Variants in NREP observed in about 807,000 individuals in gnomAD.
NREP encodes the protein neuronal regeneration related protein, also known as neuronal regeneration-related protein.
A neutral mutation model predicts 8.6 loss-of-function variants in NREP; 5 were observed. That is an observed-to-expected ratio of 0.58 (90% CI 0.30 to 1.22). The LOEUF (loss-of-function observed/expected upper bound fraction) is 1.22. NREP is among the 50% of genes most tolerant of loss of function. The pLI is 0.07. For synonymous variants in NREP, 27 were observed against 28.0 expected, an observed-to-expected ratio of 0.96 and a Z score of 0.11; for missense variants, 86 against 82.5, an observed-to-expected ratio of 1.04 and a Z score of -0.17.
At chr5:111,880,495 A>G (rs185741963) in intron 2 of NREP, among the ~76,000 whole-genome samples, 39 of 152,168 alleles carry the variant, frequency 2.6e-4, no homozygotes, top group African/African-American at 8.7e-4. Flanking sequence ...GTGTTCTTGC[A>G]TGGTCGTCCT....
rs555440299 is a variant in NREP at position 111,815,754 on chromosome 5, G to A, written c.136-80247C>T. On this transcript the variant is annotated intron_variant, in intron 2 of 3. Transcript: ENST00000395634. ...AACGGAAAATACATAACAAGCCACA[G>A]ATCCAAAAAACGCCATGTAAGATAC... is the stretch of plus-strand genomic sequence containing the variant. Among the ~76,000 whole-genome samples the A allele has an allele frequency of 3.9e-5, 6 of 152,118 alleles. No homozygotes were observed. In the East Asian group the frequency reaches 1.2e-3, roughly 29 times the overall value.
At chr5:111,790,233 A>G (rs1187635508) in intron 2 of NREP, among the ~76,000 whole-genome samples, 1 of 152,032 alleles carries the variant, frequency 6.6e-6, no homozygotes, top group Non-Finnish European at 1.5e-5. Context: ...GAAGTATAAA[A>G]TCCAGGACAT....
chr5:111,905,132 G>C (rs1046337883), intron 2 of NREP, among the ~76,000 whole-genome samples: 1 of 152,034 alleles, frequency 6.6e-6, no homozygotes, highest in African/African-American at 2.4e-5. Flanking sequence ...TATGCCTTTT[G>C]TCAGATGATT....
chr5:111,817,907 G>C (rs1486964016), intron 2 of NREP, among the ~76,000 whole-genome samples: 1 of 149,410 alleles, frequency 6.7e-6, no homozygotes, highest in Non-Finnish European at 1.5e-5. Context: ...TGTAAGAATT[G>C]ACCCTGAGTT....
chr5:111,840,490 C>T lies in NREP; in HGVS notation c.136-104983G>A, dbSNP rs1332009416. Among the ~76,000 whole-genome samples, 6 of 152,062 alleles carry T rather than the reference C, an allele frequency of 3.9e-5. No homozygotes were observed. The South Asian group carries it at 1.0e-3, about 26-fold the overall frequency. On this transcript the variant is annotated intron_variant, in intron 2 of 3. Coordinates refer to the NREP transcript ENST00000395634. Reference sequence around the variant, plus strand: ...GGACTTTGTTACAGGAGAGAATAAACAAACTCTCATTAGAGACTGTAGTTA... The same window carrying T: ...GGACTTTGTTACAGGAGAGAATAAATAAACTCTCATTAGAGACTGTAGTTA...
upstream of NREP, among the ~76,000 whole-genome samples, chr5:111,759,420 TC>T (rs374235892): frequency 7.7e-6 from 1 of 129,458 alleles, no homozygotes; most frequent in African/African-American, 2.9e-5. Flanking sequence ...TTTCTTTCTT[TC>T]TTTTTTTTTT....
At chr5:111,809,647 AC>A (rs1392333138) in intron 2 of NREP, among the ~76,000 whole-genome samples, 4 of 151,984 alleles carry the variant, frequency 2.6e-5, no homozygotes, top group Non-Finnish European at 5.9e-5. Flanking sequence ...GACCTTCTCC[AC>A]CGTGTTATGA....
upstream of NREP, chr5:111,757,278 AGGAAGAG>A (rs1273069080): frequency 5.4e-6 from 2 of 371,864 alleles, no homozygotes; most frequent in East Asian, 3.5e-4. Context: ...AAAGGGGTGG[AGGAAGAG>A]GAGGGAGGAG....
chr5:111,948,671 A>G (rs1756064361), intron 2 of NREP, among the ~76,000 whole-genome samples: 1 of 151,894 alleles, frequency 6.6e-6, no homozygotes, highest in African/African-American at 2.4e-5. Flanking sequence ...CAAATCCAAC[A>G]CTTCTCTCTC....
At chr5:111,745,579 C>A (rs1324463952) in intron 2 of NREP, among the ~76,000 whole-genome samples, 1 of 152,144 alleles carries the variant, frequency 6.6e-6, no homozygotes, top group Non-Finnish European at 1.5e-5. Context: ...AATGGACAAT[C>A]TAATTCAGTA....
chr5:111,738,097 ACCTAAAGGAGATATTT>A (rs1749311713), intron 2 of NREP, among the ~76,000 whole-genome samples: 1 of 152,208 alleles, frequency 6.6e-6, no homozygotes, highest in Admixed American at 6.5e-5. Flanking sequence ...TAGACATAGT[ACCTAAAGGAGATATTT>A]AAACTTTTCA....
At chr5:111,810,305 G>A (rs1181110988) in intron 2 of NREP, among the ~76,000 whole-genome samples, 1 of 152,120 alleles carries the variant, frequency 6.6e-6, no homozygotes, top group Non-Finnish European at 1.5e-5. Context: ...AGGAATTAAT[G>A]ACTCTCTGCT....
At chr5:111,891,262 A>G (rs997442959) in intron 2 of NREP, among the ~76,000 whole-genome samples, 2 of 152,254 alleles carry the variant, frequency 1.3e-5, no homozygotes, top group Non-Finnish European at 2.9e-5. Flanking sequence ...TTGCTAAAGC[A>G]TAACACACAT....
intron 2 of NREP, among the ~76,000 whole-genome samples, chr5:111,962,677 C>G (rs977498150): frequency 2.0e-5 from 3 of 152,112 alleles, no homozygotes; most frequent in African/African-American, 7.2e-5. Context: ...TGAATGTTGC[C>G]TTTTCCAAAA....
At chr5:111,882,009 G>C (rs1046946475) in intron 2 of NREP, among the ~76,000 whole-genome samples, 1 of 152,150 alleles carries the variant, frequency 6.6e-6, no homozygotes, top group Admixed American at 6.5e-5. Context: ...AGAGAAGAAG[G>C]CTTCAGATGA....
chr5:111,734,452 C>T (rs1186067970), intron 3 of NREP: 2 of 313,716 alleles, frequency 6.4e-6, no homozygotes, highest in Non-Finnish European at 1.2e-5. Flanking sequence ...TTTTGTTCAC[C>T]TACTTTCCTG....
intron 2 of NREP, among the ~76,000 whole-genome samples, chr5:111,766,650 T>G (rs921931513): frequency 6.6e-6 from 1 of 152,218 alleles, no homozygotes; most frequent in Non-Finnish European, 1.5e-5. Flanking sequence ...TAGGCCATCC[T>G]AACCCTCTGT....
At chr5:111,750,868 T>C (rs944090410) in intron 2 of NREP, among the ~76,000 whole-genome samples, 1 of 152,196 alleles carries the variant, frequency 6.6e-6, no homozygotes, top group Non-Finnish European at 1.5e-5. Flanking sequence ...TGGGAAAGGT[T>C]AGCCATTGCA....
At chr5:111,942,604 T>C (rs1029147163) in intron 2 of NREP, among the ~76,000 whole-genome samples, 3 of 151,950 alleles carry the variant, frequency 2.0e-5, no homozygotes, top group Non-Finnish European at 2.9e-5. Flanking sequence ...GATATAGAAG[T>C]TGATATTCTT....
Sources: allele counts gnomAD v4.1 joint callset (sites outside exome capture counted in the v4.1 genomes callset), GRCh38; gene constraint gnomAD v4.1.1; transcripts MANE v1.5; gene names NCBI Gene and HGNC (gene_info 2026-07-23, HGNC 2026-07-21).